SKAP1: variants seen among roughly 807,000 people sequenced by gnomAD.
The protein encoded by SKAP1 is src kinase associated phosphoprotein 1.
A neutral mutation model predicts 58.5 loss-of-function variants in SKAP1; 44 were observed. The ratio of observed to expected loss-of-function variants is 0.75; its 90% CI spans 0.59 to 0.97. SKAP1 has a LOEUF of 0.97. Among genes scored for constraint, SKAP1 ranks in the 50% least tolerant of loss-of-function variants. The pLI is 0.00. For synonymous variants in SKAP1, 127 were observed against 149.7 expected (o/e 0.85, Z 1.11); for missense variants, 390 against 435.2 (o/e 0.90, Z 0.92).
At chr17:48,407,854 CAA>C (rs71366874) in intron 1 of SKAP1, among the ~76,000 whole-genome samples, 5 of 123,448 alleles carry the variant, frequency 4.1e-5, no homozygotes, top group East Asian at 2.5e-4. Flanking sequence ...ACTTTGTCTC[CAA>C]AAAAAAAAAA....
chr17:48,350,484 T>G (rs1181169636), intron 3 of SKAP1, among the ~76,000 whole-genome samples: 3 of 152,060 alleles, frequency 2.0e-5, no homozygotes, highest in Non-Finnish European at 4.4e-5. Context: ...TCACCTGAGT[T>G]TCGGGTTTGA....
intron 3 of SKAP1, among the ~76,000 whole-genome samples, chr17:48,351,909 A>C (rs1257695544): frequency 6.6e-6 from 1 of 152,144 alleles, no homozygotes; most frequent in Non-Finnish European, 1.5e-5. Flanking sequence ...TCAGTGGTGG[A>C]TTGGACAGGA....
intron 4 of SKAP1, among the ~76,000 whole-genome samples, chr17:48,213,476 T>G (rs1297358103): frequency 1.3e-5 from 2 of 152,044 alleles, no homozygotes; most frequent in African/African-American, 4.8e-5. Flanking sequence ...AAATGGTCTC[T>G]CCAACAATAA....
intron 10 of SKAP1, among the ~76,000 whole-genome samples, chr17:48,164,533 G>C (rs1332391821): frequency 6.6e-6 from 1 of 152,192 alleles, no homozygotes; most frequent in Admixed American, 6.5e-5. Context: ...TATGGGCCTG[G>C]GAGAACATCT....
intron 11 of SKAP1, among the ~76,000 whole-genome samples, chr17:48,161,387 G>A (rs2143278142): frequency 6.6e-6 from 1 of 152,310 alleles, no homozygotes; most frequent in Middle Eastern, 3.4e-3. Context: ...GAGATTGATT[G>A]GCTGCATAGA....
intron 4 of SKAP1, among the ~76,000 whole-genome samples, chr17:48,221,222 G>C (rs1166718494): frequency 1.3e-5 from 2 of 152,018 alleles, no homozygotes. Flanking sequence ...AGCCAAGATT[G>C]CACCACTGCA....
At chr17:48,374,848 A>G (rs1014533756) in intron 2 of SKAP1, among the ~76,000 whole-genome samples, 3 of 152,218 alleles carry the variant, frequency 2.0e-5, no homozygotes, top group African/African-American at 7.2e-5. Flanking sequence ...ATCTGGTGGA[A>G]GTCCCCAGTG....
At chr17:48,158,098 AC>A (rs1228866226) in intron 11 of SKAP1, among the ~76,000 whole-genome samples, 1 of 145,736 alleles carries the variant, frequency 6.9e-6, no homozygotes, top group Non-Finnish European at 1.5e-5. Context: ...AATTGCTTGA[AC>A]CCGGGAGGTG....
intron 9 of SKAP1, among the ~76,000 whole-genome samples, chr17:48,179,438 T>C (rs1163549883): frequency 6.6e-6 from 1 of 152,190 alleles, no homozygotes; most frequent in African/African-American, 2.4e-5. Flanking sequence ...GATGCTAGTT[T>C]TCATGCCTTT....
At position 48,274,098 on chromosome 17, in the gene SKAP1, A is replaced by G. The variant is rs148117426; in HGVS notation, c.280+71807T>C. ...ACCACCATGCCTGGCTAATTAAAAA[A>G]AATTTTTAGGCCAAGCGAGGTGGCT... On this transcript the variant is annotated intron_variant, in intron 4 of 12. Coordinates refer to ENST00000336915, the MANE Select transcript of SKAP1 (RefSeq NM_003726.4). Among the ~76,000 whole-genome samples, 1,326 of 152,236 alleles carry G rather than the reference A, an allele frequency of 8.7e-3. 24 individuals are homozygous for G. Among genetic ancestry groups the G allele is most frequent in the African/African-American group, 0.031 (1,273 of 41,530 alleles).
chr17:48,387,371 A>G (rs2144502655), intron 2 of SKAP1, among the ~76,000 whole-genome samples: 1 of 152,228 alleles, frequency 6.6e-6, no homozygotes, highest in South Asian at 2.1e-4. Flanking sequence ...CGTGCCTGTA[A>G]CTGCTAAGAC....
chr17:48,214,200 T>C (rs1287579296), intron 4 of SKAP1, among the ~76,000 whole-genome samples: 5 of 152,216 alleles, frequency 3.3e-5, no homozygotes, highest in Non-Finnish European at 2.9e-5. Flanking sequence ...CTTGTCCTCT[T>C]CAACTTACAG....
intron 3 of SKAP1, among the ~76,000 whole-genome samples, chr17:48,361,052 T>G (rs1329249849): frequency 6.7e-6 from 1 of 149,938 alleles, no homozygotes; most frequent in Non-Finnish European, 1.5e-5. Context: ...ATAGTGGTGA[T>G]GGTTGCACAA....
chr17:48,153,024 GACACACACAC>G (rs10537609), intron 11 of SKAP1, among the ~76,000 whole-genome samples: 3 of 150,588 alleles, frequency 2.0e-5, no homozygotes, highest in Admixed American at 6.6e-5. Flanking sequence ...TGTGCACATG[GACACACACAC>G]ACACACACAC....
At chr17:48,311,674 C>T (rs1465292317) in intron 4 of SKAP1, among the ~76,000 whole-genome samples, 1 of 152,142 alleles carries the variant, frequency 6.6e-6, no homozygotes, top group African/African-American at 2.4e-5. Flanking sequence ...CCTTTAATTC[C>T]TCCCTCCCAA....
chr17:48,340,133 T>C (rs1291645261), intron 4 of SKAP1, among the ~76,000 whole-genome samples: 1 of 152,014 alleles, frequency 6.6e-6, no homozygotes, highest in Non-Finnish European at 1.5e-5. Flanking sequence ...TGGGCTGAGG[T>C]CATGCCACTG....
At chr17:48,254,108 G>A (rs1417828120) in intron 4 of SKAP1, among the ~76,000 whole-genome samples, 2 of 152,082 alleles carry the variant, frequency 1.3e-5, no homozygotes, top group East Asian at 1.9e-4. Context: ...ATTGTACTAC[G>A]TGTCCCTGGA....
chr17:48,381,091 C>T (rs1257933617), intron 2 of SKAP1, among the ~76,000 whole-genome samples: 4 of 152,140 alleles, frequency 2.6e-5, no homozygotes, highest in Non-Finnish European at 5.9e-5. Flanking sequence ...GGAACATAGG[C>T]AACCTTTGAC....
intron 4 of SKAP1, among the ~76,000 whole-genome samples, chr17:48,304,074 A>G (rs986594297): frequency 1.3e-5 from 2 of 152,204 alleles, no homozygotes; most frequent in African/African-American, 4.8e-5. Context: ...ACAATCAGCT[A>G]TATTACTTGA....
Sources: allele counts gnomAD v4.1 joint callset (sites outside exome capture counted in the v4.1 genomes callset), GRCh38; gene constraint gnomAD v4.1.1; transcripts MANE v1.5; gene names NCBI Gene and HGNC (gene_info 2026-07-23, HGNC 2026-07-21).